ATF6: variants seen among roughly 807,000 people sequenced by gnomAD.
ATF6 encodes cyclic AMP-dependent transcription factor ATF-6 alpha.
A neutral mutation model predicts 83.6 loss-of-function variants in ATF6; 53 were observed. The ratio of observed to expected loss-of-function variants is 0.63; its 90% CI spans 0.51 to 0.80. ATF6 has a LOEUF of 0.80. ATF6 is among the 30% of genes least tolerant of loss of function. The pLI is 0.00. For missense variants in ATF6, 744 were observed against 797.9 expected (o/e 0.93, Z 0.81); for synonymous variants, 288 against 285.8 (o/e 1.01, Z -0.08).
chr1:161,820,640 C>T (rs1313099444), intron 8 of ATF6, among the ~76,000 whole-genome samples: 2 of 152,012 alleles, frequency 1.3e-5, no homozygotes, highest in Non-Finnish European at 1.5e-5. Flanking sequence ...CCCAGCTACT[C>T]GGGAGGCTGA....
intron 1 of ATF6, among the ~76,000 whole-genome samples, chr1:161,769,725 G>A (rs572176073): frequency 8.8e-4 from 134 of 152,052 alleles, no homozygotes; most frequent in African/African-American, 3.1e-3. Context: ...ACAGTGATTA[G>A]ATCATCAGGC....
At chr1:161,846,654 A>C in intron 10 of ATF6, 74 bp downstream of exon 10, 1 of 1,406,182 alleles carries the variant, frequency 7.1e-7, no homozygotes, top group South Asian at 1.6e-5. Flanking sequence ...TCTGTAGTAT[A>C]ACATTGCATC....
At chr1:161,805,295 AG>A (rs1685252047) in intron 7 of ATF6, among the ~76,000 whole-genome samples, 1 of 152,154 alleles carries the variant, frequency 6.6e-6, no homozygotes, top group African/African-American at 2.4e-5. Context: ...AGAGTACAAA[AG>A]CCAAACAGAC....
chr1:161,934,897 A>G (rs1688507495), intron 15 of ATF6, among the ~76,000 whole-genome samples: 1 of 152,132 alleles, frequency 6.6e-6, no homozygotes, highest in African/African-American at 2.4e-5. Flanking sequence ...AACCATTCCC[A>G]AGAAGTTTCC....
chr1:161,862,836 CTT>C (rs1004834002), intron 13 of ATF6, among the ~76,000 whole-genome samples: 3 of 152,118 alleles, frequency 2.0e-5, no homozygotes, highest in Non-Finnish European at 4.4e-5. Context: ...TGAAAAATGA[CTT>C]TTCCTCAGAT....
Position 161,853,427 on chromosome 1 carries a change from G to A in ATF6, c.1533+104G>A, listed in dbSNP as rs898113624. The stretch of plus-strand genomic sequence containing the variant: ...AGAAGGTTGGTAAACTTGAGCTTTA[G>A]CCTCTTCCCACTGTCTCCTGCTGCT... On this transcript the variant is annotated intron_variant, in intron 12 of 15. Coordinates refer to ENST00000367942, the MANE Select transcript of ATF6 (RefSeq NM_007348.4). The A allele has an allele frequency of 4.7e-5, 40 of 844,264 alleles. No individual in the cohort carries two copies. The African/African-American group carries it at 6.5e-4, about 14-fold the overall frequency. The allele number at this position is 844,264 out of a possible 1,614,324, so 52.3% of individuals were successfully genotyped here.
chr1:161,818,592 T>C (rs1685673761), intron 7 of ATF6, among the ~76,000 whole-genome samples: 1 of 151,998 alleles, frequency 6.6e-6, no homozygotes, highest in South Asian at 2.1e-4. Context: ...AAAATCAGGG[T>C]GGGTTAGAAT....
intron 14 of ATF6, among the ~76,000 whole-genome samples, chr1:161,894,796 C>T (rs1181473476): frequency 1.3e-5 from 2 of 150,196 alleles, no homozygotes; most frequent in South Asian, 4.2e-4. Flanking sequence ...GTGAGCCACC[C>T]GCCTTGGCCT....
chr1:161,870,001 T>G (rs1457639557), intron 14 of ATF6, among the ~76,000 whole-genome samples: 2 of 146,236 alleles, frequency 1.4e-5, no homozygotes, highest in African/African-American at 5.1e-5. Context: ...GGGCAATAAT[T>G]GATAGATTCT....
chr1:161,860,391 A>G, intron 13 of ATF6, 114 bp downstream of exon 13: 1 of 427,514 alleles, frequency 2.3e-6, no homozygotes, highest in African/African-American at 2.1e-5. Context: ...TGAGTTTTAT[A>G]TTAGTCATAT....
chr1:161,958,879 G>A lies in ATF6; in HGVS notation c.*225G>A, dbSNP rs1689023424. ...TGCAAGAGAACAATGTTTCTTCAGT[G>A]GCAAATGTAGCCCTGCATCCTCCAG... On this transcript the variant is annotated 3_prime_UTR_variant, in exon 16 of 16. Transcript: ENST00000367942. 19 of 445,036 alleles carry A rather than the reference G, an allele frequency of 4.3e-5. No individual in the cohort carries two copies. In the South Asian group the frequency reaches 7.9e-4, roughly 18 times the overall value. The allele number at this position is 445,036 out of a possible 1,614,324, so 27.6% of individuals were successfully genotyped here.
At chr1:161,800,857 T>C (rs1376260011) in intron 6 of ATF6, among the ~76,000 whole-genome samples, 1 of 152,236 alleles carries the variant, frequency 6.6e-6, no homozygotes, top group Non-Finnish European at 1.5e-5. Context: ...AGTTTTTGTT[T>C]TAGAAGTCTC....
intron 4 of ATF6, 83 bp downstream of exon 4, chr1:161,784,179 A>T (rs1011932228): frequency 1.1e-6 from 1 of 913,306 alleles, no homozygotes; most frequent in Non-Finnish European, 1.8e-6. Flanking sequence ...GTTAACATTT[A>T]TTGAATACTA....
Position 161,861,895 on chromosome 1 carries a change from G to A in ATF6, c.1605-1303G>A, listed in dbSNP as rs146998124. On this transcript the variant is annotated intron_variant, in intron 13 of 15. Transcript: ENST00000367942. ...AATTGCTGTCTAGTGTTGCTAAGCC[G>A]AAGCGGGCTGTGATGTGCTGTGTGG... Among the ~76,000 whole-genome samples the A allele has an allele frequency of 7.7e-3, 1,179 of 152,296 alleles. 16 individuals carry two copies. The highest frequency in any genetic ancestry group is 0.027 in the African/African-American group (1,117 of 41,564).
intron 15 of ATF6, among the ~76,000 whole-genome samples, chr1:161,945,007 T>C (rs1688722866): frequency 6.6e-6 from 1 of 152,230 alleles, no homozygotes. Flanking sequence ...AAATTCCCTC[T>C]GTAGAGAGTA....
At chr1:161,870,995 G>C (rs532539402) in intron 14 of ATF6, among the ~76,000 whole-genome samples, 1 of 151,750 alleles carries the variant, frequency 6.6e-6, no homozygotes, top group African/African-American at 2.4e-5. Flanking sequence ...TCTGTGCAGG[G>C]ATAAAGTCTA....
intron 1 of ATF6, among the ~76,000 whole-genome samples, chr1:161,768,493 G>A (rs969575162): frequency 2.6e-5 from 4 of 152,214 alleles, no homozygotes; most frequent in African/African-American, 9.7e-5. Context: ...CTGTCTGATA[G>A]TGTTTCGTTC....
intron 15 of ATF6, among the ~76,000 whole-genome samples, chr1:161,924,312 T>C (rs897390300): frequency 6.6e-6 from 1 of 152,176 alleles, no homozygotes; most frequent in Non-Finnish European, 1.5e-5. Context: ...GAGATGTACA[T>C]GCCAAAGACA....
chr1:161,901,101 C>CGAAGGA (rs2101879413), intron 14 of ATF6, among the ~76,000 whole-genome samples: 1 of 152,166 alleles, frequency 6.6e-6, no homozygotes, highest in Non-Finnish European at 1.5e-5. Flanking sequence ...TTCTGTCTGT[C>CGAAGGA]ATACATATGA....
Sources: allele counts gnomAD v4.1 joint callset (sites outside exome capture counted in the v4.1 genomes callset), GRCh38; gene constraint gnomAD v4.1.1; transcripts MANE v1.5; gene names NCBI Gene and HGNC (gene_info 2026-07-23, HGNC 2026-07-21).